SLC15A2: variants seen among roughly 807,000 people sequenced by gnomAD.
The protein encoded by SLC15A2 is kidney H(+)/peptide cotransporter.
SLC15A2 carries 77 observed loss-of-function variants against 95.5 expected under a neutral mutation model. The ratio of observed to expected loss-of-function variants is 0.81; its 90% CI spans 0.67 to 0.97. The LOEUF (loss-of-function observed/expected upper bound fraction) is 0.97, where lower values mean the gene tolerates loss of function less well. Ranked by LOEUF, SLC15A2 falls within the 50% of genes least tolerant of loss-of-function variation. The pLI is 0.00. For missense variants in SLC15A2, 893 were observed against 874.4 expected (o/e 1.02, Z -0.27); for synonymous variants, 306 against 306.9 (o/e 1.00, Z 0.03).
chr3:121,914,334 T>C (rs1016471054), intron 5 of SLC15A2, among the ~76,000 whole-genome samples: 3 of 152,324 alleles, frequency 2.0e-5, no homozygotes, highest in East Asian at 1.9e-4. Flanking sequence ...CGGTGTATAA[T>C]GAACGAAACA....
At chr3:121,937,064 C>T (rs1377077840) in intron 19 of SLC15A2, among the ~76,000 whole-genome samples, 1 of 145,304 alleles carries the variant, frequency 6.9e-6, no homozygotes, top group African/African-American at 2.6e-5. Flanking sequence ...GTTGAAAATT[C>T]TTTTCTTTAA....
chr3:121,934,184 A>C (rs1710290429), intron 19 of SLC15A2, among the ~76,000 whole-genome samples: 1 of 152,212 alleles, frequency 6.6e-6, no homozygotes, highest in Non-Finnish European at 1.5e-5. Context: ...TATAGTTTGA[A>C]GTCAGGTAGT....
In SLC15A2 at chr3:121,939,347, AG is replaced by A; in HGVS notation, c.1762-1del. ...TCCATTTCCATTTTCTCTTTCCCTA[AG>A]AACACCAATCAGGGTCTTCAGGCCT... On this transcript the variant is annotated splice_acceptor_variant, in intron 19 of 21. Coordinates refer to ENST00000489711, the MANE Select transcript of SLC15A2 (RefSeq NM_021082.4). LOFTEE classifies it high-confidence loss of function. 2.6e-6 allele frequency: 4 copies of A among 1,514,160 alleles called. No homozygotes were observed. The East Asian group carries it at 9.9e-5, about 38-fold the overall frequency. The allele number at this position is 1,514,160 out of a possible 1,614,324, so 93.8% of individuals were successfully genotyped here.
chr3:121,917,819 A>G (rs1008709101), intron 7 of SLC15A2, among the ~76,000 whole-genome samples: 1 of 152,200 alleles, frequency 6.6e-6, no homozygotes, highest in African/African-American at 2.4e-5. Flanking sequence ...AAGAAATTAT[A>G]AGTGATGCAG....
At chr3:121,935,771 C>T (rs1217318262) in intron 19 of SLC15A2, among the ~76,000 whole-genome samples, 4 of 151,826 alleles carry the variant, frequency 2.6e-5, no homozygotes, top group African/African-American at 9.7e-5. Flanking sequence ...TCCTTTAGTT[C>T]TGCTCTGATT....
intron 19 of SLC15A2, 167 bp from the exon 20 acceptor site, chr3:121,939,182 G>A (rs1259034521): frequency 3.3e-5 from 15 of 455,146 alleles, no homozygotes; most frequent in East Asian, 1.8e-4. Flanking sequence ...ATAATATTAC[G>A]AAAAGAAGTT....
In SLC15A2 at chr3:121,940,369, T is replaced by C; in HGVS notation, c.1909-15T>C. The C allele has an allele frequency of 6.2e-7, 1 of 1,609,008 alleles. No individual in the cohort carries two copies. Among genetic ancestry groups the C allele is most frequent in the Non-Finnish European group, 8.5e-7 (1 of 1,175,566 alleles). On this transcript the variant is annotated splice_polypyrimidine_tract_variant and intron_variant, in intron 20 of 21. Coordinates refer to ENST00000489711, the MANE Select transcript of SLC15A2 (RefSeq NM_021082.4). Reference sequence around the variant, plus strand: ...GAAGGGGGTTTGTTTACTTTCAAACTTGTGTCATCCCCAGGCTCCCTCTAG... The same window carrying C: ...GAAGGGGGTTTGTTTACTTTCAAACCTGTGTCATCCCCAGGCTCCCTCTAG...
At chr3:121,913,253 G>A (rs1709810643) in intron 5 of SLC15A2, 133 bp downstream of exon 5, 4 of 636,948 alleles carry the variant, frequency 6.3e-6, no homozygotes, top group Non-Finnish European at 5.5e-6. Context: ...ATTCAATGCT[G>A]GATACTGGCC....
At chr3:121,931,884 GTGA>G in intron 19 of SLC15A2, 149 bp downstream of exon 19, 1 of 583,334 alleles carries the variant, frequency 1.7e-6, no homozygotes. Context: ...AGGTTCTACA[GTGA>G]CTTTAATTAT....
At position 121,930,871 on chromosome 3, in the gene SLC15A2, A is replaced by T. The variant is rs368118254; in HGVS notation, c.1585A>T (p.Ile529Phe). The T allele has an allele frequency of 1.2e-4, 198 of 1,613,270 alleles. No homozygotes were observed. Among genetic ancestry groups the T allele is most frequent in the Non-Finnish European group, 1.6e-4 (184 of 1,179,318 alleles). ...FVNTLHKDVN[I>F]SLSTDTSLNV... is the part of the protein sequence containing the mutation. ...TAACACTTTGCATAAAGATGTCAAC[A>T]TCTCCCTGAGTACAGATACCTCTCT... Residue 529 changes from isoleucine to phenylalanine, a missense_variant, in exon 18 of 22, where the codon ATC (isoleucine) becomes TTC (phenylalanine). Coordinates refer to ENST00000489711, the MANE Select transcript of SLC15A2 (RefSeq NM_021082.4).
intron 11 of SLC15A2, among the ~76,000 whole-genome samples, chr3:121,923,649 G>C (rs1307391177): frequency 6.6e-6 from 1 of 152,156 alleles, no homozygotes; most frequent in African/African-American, 2.4e-5. Flanking sequence ...CACAGCAGGG[G>C]ACCTGTGGGA....
Position 121,938,182 on chromosome 3 carries a change from G to A in SLC15A2, c.1762-1167G>A, listed in dbSNP as rs576750742. The stretch of plus-strand genomic sequence containing the variant: ...GCTCTCTTCAAAGCTGTCAGACAGG[G>A]ACATTTAAGTCTGCAGAGGTTACTG... On this transcript the variant is annotated intron_variant, in intron 19 of 21. Transcript: ENST00000489711. 4.3e-4 allele frequency among the ~76,000 whole-genome samples: 65 copies of A among 151,234 alleles called. 1 individual carries two copies. The South Asian group carries it at 0.014, about 32-fold the overall frequency.
intron 9 of SLC15A2, 22 bp downstream of exon 9, chr3:121,922,883 A>G: frequency 6.3e-7 from 1 of 1,598,578 alleles, no homozygotes; most frequent in South Asian, 1.1e-5. Flanking sequence ...ATGCAGAAAC[A>G]TCTTATGGCT....
chr3:121,898,910 C>A (rs891758434), intron 3 of SLC15A2, among the ~76,000 whole-genome samples: 1 of 152,124 alleles, frequency 6.6e-6, no homozygotes, highest in African/African-American at 2.4e-5. Context: ...ATAGACATAA[C>A]ACAGTACTGA....
intron 19 of SLC15A2, among the ~76,000 whole-genome samples, chr3:121,933,531 C>T (rs1710274827): frequency 6.6e-6 from 1 of 151,982 alleles, no homozygotes. Context: ...AGCATTTTTT[C>T]ACGTGTTTTT....
At position 121,922,802 on chromosome 3, in the gene SLC15A2, C is replaced by T. The variant is rs373407801; in HGVS notation, c.808C>T (p.Arg270Cys). ...TGCTATTTCCAATCGTTTCAAGAAC[C>T]GTTCTGGAGACATTCCAAAGCGACA... ...WFAISNRFKN[R>C]SGDIPKRQHW... Residue 270 changes from arginine to cysteine, a missense_variant, in exon 9 of 22, where the codon CGT becomes TGT. Coordinates refer to ENST00000489711, the MANE Select transcript of SLC15A2 (RefSeq NM_021082.4). 5.0e-5 allele frequency: 81 copies of T among 1,613,340 alleles called. No individual in the cohort carries two copies. The African/African-American group carries it at 5.7e-4, about 11-fold the overall frequency.
intron 15 of SLC15A2, 137 bp downstream of exon 15, chr3:121,928,692 ATAT>A (rs1469566186): frequency 6.1e-6 from 6 of 990,124 alleles, no homozygotes; most frequent in African/African-American, 1.6e-5. Flanking sequence ...TGGGCATATA[ATAT>A]TCCATTCTAT....
chr3:121,896,901 CAAAA>C (rs71133581), intron 2 of SLC15A2, among the ~76,000 whole-genome samples: 7 of 88,190 alleles, frequency 7.9e-5, no homozygotes, highest in Admixed American at 2.5e-4. Context: ...AACTCATCTC[CAAAA>C]AAAAAAAAAA....
intron 18 of SLC15A2, among the ~76,000 whole-genome samples, chr3:121,931,227 T>A (rs980952064): frequency 6.6e-6 from 1 of 152,208 alleles, no homozygotes; most frequent in African/African-American, 2.4e-5. Flanking sequence ...TCTCAAAGTT[T>A]ATTATTGGTT....
Sources: gnomAD v4.1 joint callset for allele counts (sites outside exome capture counted in the v4.1 genomes callset) on GRCh38, gnomAD v4.1.1 for gene constraint, MANE v1.5 for transcripts, NCBI Gene and HGNC (gene_info 2026-07-23, HGNC 2026-07-21) for gene names.